The following DRC11 variants were observed in gnomAD, a reference collection of about 807,000 sequenced individuals.
DRC11 encodes the protein dynein regulatory complex subunit 11.
chr2:236,429,938 G>T, the DRC11 span, among the ~76,000 whole-genome samples: 1 of 152,132 alleles, frequency 6.6e-6, no homozygotes, highest in African/African-American at 2.4e-5. The surrounding 1 kb of genome is among the most constrained non-coding windows in gnomAD (Gnocchi z 5.9). Context: ...AGAATATGCT[G>T]TTGGGGTTCA....
chr2:236,326,299 T>C, the DRC11 span, among the ~76,000 whole-genome samples: 2 of 152,230 alleles, frequency 1.3e-5, no homozygotes, highest in Non-Finnish European at 2.9e-5. Context: ...ATTCTTTTTG[T>C]GTTCTAGAAC....
the DRC11 span, chr2:236,363,982 A>G: frequency 1.9e-6 from 3 of 1,608,514 alleles, no homozygotes; most frequent in Non-Finnish European, 2.6e-6. The surrounding 1 kb of genome is among the most constrained non-coding windows in gnomAD (Gnocchi z 5.6). Context: ...TGCAGAACCT[A>G]AAAAAGGCAG....
At chr2:236,379,055 G>A in the DRC11 span, among the ~76,000 whole-genome samples, 1 of 152,186 alleles carries the variant, frequency 6.6e-6, no homozygotes, top group Non-Finnish European at 1.5e-5. Context: ...CCGCGGCAGT[G>A]TTCTGGCCTC....
the DRC11 span, among the ~76,000 whole-genome samples, chr2:236,486,163 T>A: frequency 4.9e-4 from 75 of 152,324 alleles, no homozygotes; most frequent in African/African-American, 1.7e-3. This position sits in a 1 kb window ranked among gnomAD's most constrained non-coding sequence, Gnocchi z 5.7. Flanking sequence ...ACAGCTGGCA[T>A]GAACTGTGGC....
chr2:236,396,743 G>C, the DRC11 span, among the ~76,000 whole-genome samples: 127 of 152,216 alleles, frequency 8.3e-4, 2 homozygotes, highest in African/African-American at 2.8e-3. Flanking sequence ...TTATCCAATG[G>C]CATTCTTTCC....
chr2:236,329,325 C>T, the DRC11 span, among the ~76,000 whole-genome samples: 6 of 152,178 alleles, frequency 3.9e-5, no homozygotes, highest in Admixed American at 6.5e-5. Flanking sequence ...GGCCATTATC[C>T]GGCCTACCAT....
the DRC11 span, among the ~76,000 whole-genome samples, chr2:236,388,422 T>A: frequency 6.6e-6 from 1 of 151,148 alleles, no homozygotes; most frequent in Non-Finnish European, 1.5e-5. Context: ...TCATCTTCCA[T>A]TGCTGATACC....
chr2:236,399,401 T>A, the DRC11 span: 1 of 1,610,662 alleles, frequency 6.2e-7, no homozygotes, highest in South Asian at 1.1e-5. This position sits in a 1 kb window ranked among gnomAD's most constrained non-coding sequence, Gnocchi z 7.0. Context: ...ATGCACGTTC[T>A]CCTAAACTGA....
chr2:236,306,852 A>G, the DRC11 span, among the ~76,000 whole-genome samples: 1 of 152,168 alleles, frequency 6.6e-6, no homozygotes, highest in African/African-American at 2.4e-5. This position sits in a 1 kb window ranked among gnomAD's most constrained non-coding sequence, Gnocchi z 5.9. Context: ...CTCTTCAAAC[A>G]TCGGCTCTTG....
chr2:236,501,959 C>A, the DRC11 span, among the ~76,000 whole-genome samples: 1 of 152,164 alleles, frequency 6.6e-6, no homozygotes, highest in Non-Finnish European at 1.5e-5. Flanking sequence ...AAGCATAACT[C>A]CAGACAGCAA....
At chr2:236,313,142 A>G in the DRC11 span, among the ~76,000 whole-genome samples, 2 of 152,158 alleles carry the variant, frequency 1.3e-5, no homozygotes, top group Non-Finnish European at 2.9e-5. This position sits in a 1 kb window ranked among gnomAD's most constrained non-coding sequence, Gnocchi z 4.5. Context: ...ACAGAAAAAG[A>G]AAGAATATTT....
chr2:236,409,963 T>C, the DRC11 span, among the ~76,000 whole-genome samples: 2 of 152,208 alleles, frequency 1.3e-5, no homozygotes, highest in Non-Finnish European at 2.9e-5. Context: ...TGAAACCCAC[T>C]TGATCATGCT....
At chr2:236,328,541 C>T in the DRC11 span, among the ~76,000 whole-genome samples, 50 of 152,118 alleles carry the variant, frequency 3.3e-4, 1 homozygote, top group East Asian at 7.2e-3. The surrounding 1 kb of genome is among the most constrained non-coding windows in gnomAD (Gnocchi z 6.7). Context: ...TCTCATGGGC[C>T]TCTCCTTGCC....
chr2:236,338,203 G>T, the DRC11 span: 1 of 1,612,924 alleles, frequency 6.2e-7, no homozygotes, highest in Non-Finnish European at 8.5e-7. Flanking sequence ...GGGGGTACTT[G>T]CCGTATCTGG....
chr2:236,398,267 C>T, the DRC11 span, among the ~76,000 whole-genome samples: 2 of 152,194 alleles, frequency 1.3e-5, no homozygotes, highest in Non-Finnish European at 2.9e-5. This position sits in a 1 kb window ranked among gnomAD's most constrained non-coding sequence, Gnocchi z 6.2. Flanking sequence ...CCCTTTAGTT[C>T]AGCATCTCAT....
chr2:236,454,502 GCTT>G, the DRC11 span, among the ~76,000 whole-genome samples: 1 of 152,182 alleles, frequency 6.6e-6, no homozygotes, highest in Admixed American at 6.5e-5. This position sits in a 1 kb window ranked among gnomAD's most constrained non-coding sequence, Gnocchi z 5.3. Flanking sequence ...GATCACAGCT[GCTT>G]CTGAGAATTT....
chr2:236,450,132 A>C, the DRC11 span, among the ~76,000 whole-genome samples: 2 of 152,166 alleles, frequency 1.3e-5, no homozygotes, highest in Non-Finnish European at 2.9e-5. Context: ...GTTTATAATA[A>C]AAATAAATAT....
the DRC11 span, among the ~76,000 whole-genome samples, chr2:236,364,384 A>G: frequency 0.18 from 27,287 of 150,472 alleles, 2,716 homozygotes; most frequent in Non-Finnish European, 0.23. Context: ...GTGGAGACAT[A>G]GACGATAAGG....
the DRC11 span, chr2:236,465,383 T>C: frequency 1.2e-6 from 1 of 803,756 alleles, no homozygotes; most frequent in Non-Finnish European, 2.0e-6. This position sits in a 1 kb window ranked among gnomAD's most constrained non-coding sequence, Gnocchi z 6.2. Context: ...CATTTCACGT[T>C]TCTAAAACGA....
Sources: allele counts gnomAD v4.1 joint callset (sites outside exome capture counted in the v4.1 genomes callset), GRCh38; gene constraint gnomAD v4.1.1; non-coding constraint Gnocchi (gnomAD v3.1); transcripts MANE v1.5; gene names NCBI Gene and HGNC (gene_info 2026-07-23, HGNC 2026-07-21).